The following LRMDA variants were observed in gnomAD, a reference collection of about 807,000 sequenced individuals.
LRMDA encodes leucine-rich melanocyte differentiation-associated protein.
A neutral mutation model predicts 29.8 loss-of-function variants in LRMDA; 18 were observed. The observed-to-expected ratio is 0.60, with a 90% CI of 0.42 to 0.90. LRMDA has a LOEUF of 0.90. Among genes scored for constraint, LRMDA ranks in the 40% least tolerant of loss-of-function variants. The pLI is 0.00. For missense variants in LRMDA, 273 were observed against 273.9 expected, an observed-to-expected ratio of 1.00 and a Z score of 0.02; for synonymous variants, 125 against 109.4, an observed-to-expected ratio of 1.14 and a Z score of -0.89.
chr10:76,030,248 T>TCG (rs1848126886), intron 2 of LRMDA, among the ~76,000 whole-genome samples: 1 of 151,046 alleles, frequency 6.6e-6, no homozygotes, highest in African/African-American at 2.4e-5. Flanking sequence ...ATATAATTAT[T>TCG]TGTGTGTGTG....
intron 6 of LRMDA, among the ~76,000 whole-genome samples, chr10:76,501,323 A>G (rs1842907159): frequency 1.3e-5 from 2 of 151,972 alleles, no homozygotes; most frequent in African/African-American, 4.8e-5. Context: ...TGAATGGTGC[A>G]GCAATGAACA....
At chr10:75,600,853 G>T (rs1222467993) in intron 2 of LRMDA, among the ~76,000 whole-genome samples, 2 of 152,244 alleles carry the variant, frequency 1.3e-5, no homozygotes, top group African/African-American at 4.8e-5. Flanking sequence ...CTTCAAGTGT[G>T]CTGAACATGA....
At chr10:76,014,402 C>A (rs1315872001) in intron 2 of LRMDA, among the ~76,000 whole-genome samples, 3 of 151,954 alleles carry the variant, frequency 2.0e-5, no homozygotes, top group Non-Finnish European at 4.4e-5. Context: ...TTTAATCTCA[C>A]TTTCTGGTGT....
intron 5 of LRMDA, among the ~76,000 whole-genome samples, chr10:76,252,221 A>G (rs1324186285): frequency 6.6e-6 from 1 of 152,198 alleles, no homozygotes; most frequent in Non-Finnish European, 1.5e-5. Context: ...ACATGGACGC[A>G]GGGCCTGAGA....
intron 5 of LRMDA, among the ~76,000 whole-genome samples, chr10:76,223,278 TAAA>T: frequency 6.6e-6 from 1 of 151,928 alleles, no homozygotes; most frequent in African/African-American, 2.4e-5. Flanking sequence ...ATAATAATAA[TAAA>T]AAAGAGTCTC....
intron 2 of LRMDA, among the ~76,000 whole-genome samples, chr10:75,971,806 G>A (rs1437290490): frequency 2.0e-5 from 3 of 152,094 alleles, no homozygotes; most frequent in Non-Finnish European, 4.4e-5. Flanking sequence ...TCTTCTCATG[G>A]TTATAGTGAA....
chr10:75,964,786 G>C (rs1175208872), intron 2 of LRMDA, among the ~76,000 whole-genome samples: 1 of 152,140 alleles, frequency 6.6e-6, no homozygotes, highest in African/African-American at 2.4e-5. Flanking sequence ...TTGTTGTTTT[G>C]AGATGGGGTC....
At chr10:76,323,285 A>G (rs1452126515) in intron 5 of LRMDA, among the ~76,000 whole-genome samples, 1 of 152,218 alleles carries the variant, frequency 6.6e-6, no homozygotes, top group Non-Finnish European at 1.5e-5. Flanking sequence ...TTTTCTAGCA[A>G]GTAGGTCTAA....
intron 2 of LRMDA, among the ~76,000 whole-genome samples, chr10:75,654,149 T>C (rs778070588): frequency 1.1e-4 from 17 of 152,178 alleles, no homozygotes; most frequent in Non-Finnish European, 2.4e-4. Context: ...ATTTTTCCTT[T>C]GGTGATATAG....
intron 5 of LRMDA, among the ~76,000 whole-genome samples, chr10:76,191,971 T>C (rs932595739): frequency 6.6e-6 from 1 of 152,082 alleles, no homozygotes; most frequent in African/African-American, 2.4e-5. Context: ...GTGGGCAAAT[T>C]GGCCAAGACA....
chr10:76,541,076 G>T (rs1235060570), intron 6 of LRMDA, among the ~76,000 whole-genome samples: 1 of 151,952 alleles, frequency 6.6e-6, no homozygotes, highest in Non-Finnish European at 1.5e-5. Flanking sequence ...ACTGTCCGTG[G>T]CCCAAATTTG....
intron 5 of LRMDA, among the ~76,000 whole-genome samples, chr10:76,216,871 G>A (rs1359528358): frequency 6.6e-6 from 1 of 152,110 alleles, no homozygotes; most frequent in Admixed American, 6.5e-5. Context: ...AAAAACCAAA[G>A]GTCTACCAAT....
At chr10:75,624,398 A>G (rs1324889928) in intron 2 of LRMDA, among the ~76,000 whole-genome samples, 7 of 152,238 alleles carry the variant, frequency 4.6e-5, no homozygotes, top group Admixed American at 4.6e-4. Flanking sequence ...TATAAGTTTT[A>G]GAGTAAAATG....
chr10:75,840,845 T>A (rs1564582960), intron 2 of LRMDA, among the ~76,000 whole-genome samples: 1 of 152,242 alleles, frequency 6.6e-6, no homozygotes, highest in Non-Finnish European at 1.5e-5. Context: ...ATGCAAACTA[T>A]CTACTGGTAA....
rs145290904 is a variant in LRMDA at position 76,461,938 on chromosome 10, G to A, written c.602-95271G>A. On this transcript the variant is annotated intron_variant, in intron 6 of 6. Coordinates refer to ENST00000611255, the MANE Select transcript of LRMDA (RefSeq NM_001305581.2). ...AAAAATACAAAAATCAGCCAGGTGT[G>A]ATGGCATGCACCTGTAGTCCCAGCT... is the stretch of plus-strand genomic sequence containing the variant. 9.5e-4 allele frequency among the ~76,000 whole-genome samples: 144 copies of A among 151,824 alleles called. 1 individual carries two copies. Among genetic ancestry groups the A allele is most frequent in the African/African-American group, 2.6e-3 (108 of 41,400 alleles).
chr10:75,553,619 ATATC>A (rs1840179338), intron 2 of LRMDA, among the ~76,000 whole-genome samples: 1 of 152,128 alleles, frequency 6.6e-6, no homozygotes, highest in African/African-American at 2.4e-5. Context: ...GCAGGCCTCT[ATATC>A]TATGCAAGAT....
Position 76,533,490 on chromosome 10 carries a change from C to T in LRMDA, c.602-23719C>T, listed in dbSNP as rs370141973. Among the ~76,000 whole-genome samples the T allele has an allele frequency of 6.6e-5, 10 of 152,186 alleles. No homozygotes were observed. In the East Asian group the frequency reaches 1.2e-3, roughly 18 times the overall value. ...GCTGGTTTCTTTTGCTCTTACACAC[C>T]CATGCTGGCCTCCAAGAACAACTTG... On this transcript the variant is annotated intron_variant, in intron 6 of 6. Transcript: ENST00000611255.
intron 5 of LRMDA, among the ~76,000 whole-genome samples, chr10:76,070,574 G>A (rs1316638146): frequency 6.6e-6 from 1 of 152,216 alleles, no homozygotes; most frequent in African/African-American, 2.4e-5. Flanking sequence ...TTGTCTCCAG[G>A]TAGAGTCCCA....
At chr10:76,279,713 T>C (rs574058715) in intron 5 of LRMDA, among the ~76,000 whole-genome samples, 2 of 152,054 alleles carry the variant, frequency 1.3e-5, no homozygotes, top group African/African-American at 4.8e-5. Context: ...ACCCAGCTAA[T>C]TTTTTGTATT....
Sources: allele counts gnomAD v4.1 joint callset (sites outside exome capture counted in the v4.1 genomes callset), GRCh38; gene constraint gnomAD v4.1.1; transcripts MANE v1.5; gene names NCBI Gene and HGNC (gene_info 2026-07-23, HGNC 2026-07-21).